The following RARB variants were observed in gnomAD, a reference collection of about 807,000 sequenced individuals.
RARB encodes HBV-activated protein.
Under a neutral mutation model 51.9 loss-of-function variants are expected in RARB, and 17 were observed. That is an observed-to-expected ratio of 0.33 (90% CI 0.22 to 0.49). RARB has a LOEUF of 0.49. Ranked by LOEUF, RARB falls within the 20% of genes least tolerant of loss-of-function variation. RARB has a pLI of 0.99. For synonymous variants in RARB, 215 were observed against 195.4 expected, an observed-to-expected ratio of 1.10 and a Z score of -0.84; for missense variants, 369 against 550.8, an observed-to-expected ratio of 0.67 and a Z score of 3.30.
rs142183773 is a variant in RARB at position 25,507,418 on chromosome 3, G to T, written c.448+6095G>T. Among the ~76,000 whole-genome samples, 1,164 of 152,310 alleles carry T rather than the reference G, an allele frequency of 7.6e-3. 12 individuals carry two copies. The highest frequency in any genetic ancestry group is 0.02 in the Middle Eastern group (6 of 294). On this transcript the variant is annotated intron_variant, in intron 3 of 7. Coordinates refer to ENST00000330688, the MANE Select transcript of RARB (RefSeq NM_000965.5). ...GAACAAGTTACTCAACTTCTTGGAG[G>T]CTGTGTTTTCTACCTGGATGAGAGA...
intron 3 of RARB, among the ~76,000 whole-genome samples, chr3:25,075,128 T>A (rs1698847413): frequency 6.6e-6 from 1 of 152,140 alleles, no homozygotes; most frequent in South Asian, 2.1e-4. Context: ...TGTAACACAG[T>A]CTAAGATGCA....
chr3:25,140,422 TGTG>T (rs972828281), intron 4 of RARB, among the ~76,000 whole-genome samples: 2 of 152,072 alleles, frequency 1.3e-5, no homozygotes, highest in Non-Finnish European at 2.9e-5. Context: ...TAACTGAAGA[TGTG>T]GTGAAAATAG....
chr3:24,849,149 T>G (rs531356302), intron 1 of RARB, among the ~76,000 whole-genome samples: 1 of 152,362 alleles, frequency 6.6e-6, no homozygotes, highest in South Asian at 2.1e-4. Context: ...TTATGACGTT[T>G]AATTTATAAA....
At chr3:25,298,741 A>C (rs1703973968) in intron 5 of RARB, among the ~76,000 whole-genome samples, 1 of 152,182 alleles carries the variant, frequency 6.6e-6, no homozygotes, top group Non-Finnish European at 1.5e-5. Flanking sequence ...GAGGGGGTTG[A>C]GGATGAGAAT....
chr3:25,526,998 G>T (rs574720094), intron 3 of RARB, among the ~76,000 whole-genome samples: 2 of 152,206 alleles, frequency 1.3e-5, no homozygotes, highest in South Asian at 4.1e-4. Context: ...GTATGTTTAT[G>T]TGTTTGTGTG....
chr3:25,304,000 AG>A (rs1704099921), intron 5 of RARB, among the ~76,000 whole-genome samples: 1 of 152,200 alleles, frequency 6.6e-6, no homozygotes, highest in East Asian at 1.9e-4. Context: ...CCAAAGCTCC[AG>A]AAAAAATGGA....
chr3:25,478,539 A>G (rs1696072297), intron 2 of RARB, among the ~76,000 whole-genome samples: 1 of 152,214 alleles, frequency 6.6e-6, no homozygotes, highest in East Asian at 1.9e-4. Context: ...GCCCTACTTC[A>G]GGGGACACAC....
chr3:25,306,333 C>T (rs748533122), intron 5 of RARB, among the ~76,000 whole-genome samples: 9 of 151,950 alleles, frequency 5.9e-5, no homozygotes, highest in South Asian at 4.2e-4. Context: ...TGGTTCAATC[C>T]GATAATGTGA....
intron 3 of RARB, among the ~76,000 whole-genome samples, chr3:25,554,293 A>G (rs540596100): frequency 5.3e-4 from 81 of 151,482 alleles, no homozygotes; most frequent in African/African-American, 1.9e-3. Flanking sequence ...TGTTAAATTT[A>G]TTTTCTTCCC....
At position 25,240,144 on chromosome 3, in the gene RARB, A is replaced by C. The variant is rs1027233231; in HGVS notation, c.178+65569A>C. Among the ~76,000 whole-genome samples, 3 of 151,472 alleles carry C rather than the reference A, an allele frequency of 2.0e-5. 1 individual carries two copies. On this transcript the variant is annotated intron_variant, in intron 5 of 11. Transcript: ENST00000383772. The stretch of plus-strand genomic sequence containing the variant: ...TGATTTCATTCTCGGTTAGTTCATC[A>C]TTGGTGTATAGAAACGCTACTGCTT...
chr3:24,899,586 G>A (rs1703554424), intron 2 of RARB, among the ~76,000 whole-genome samples: 4 of 152,196 alleles, frequency 2.6e-5, no homozygotes, highest in Middle Eastern at 6.8e-3. Context: ...AGTTTCTGTC[G>A]GCCAACAGCT....
intron 5 of RARB, among the ~76,000 whole-genome samples, chr3:25,378,396 C>A (rs1203009498): frequency 1.3e-5 from 2 of 152,102 alleles, no homozygotes; most frequent in Non-Finnish European, 2.9e-5. Flanking sequence ...GTCTAGGAGG[C>A]CCTAAAGGAA....
intron 1 of RARB, among the ~76,000 whole-genome samples, chr3:25,447,030 C>A (rs1227239155): frequency 3.3e-5 from 5 of 149,362 alleles, no homozygotes; most frequent in Non-Finnish European, 7.4e-5. Flanking sequence ...AAAAAAAAAA[C>A]TGATCGTGTT....
chr3:25,467,468 G>C (rs865881182), intron 2 of RARB, among the ~76,000 whole-genome samples: 1 of 144,270 alleles, frequency 6.9e-6, no homozygotes, highest in African/African-American at 2.5e-5. Flanking sequence ...TCACGTGGTG[G>C]ATGGGTTCCC....
At chr3:24,991,318 C>G (rs140053107) in intron 2 of RARB, among the ~76,000 whole-genome samples, 2 of 151,994 alleles carry the variant, frequency 1.3e-5, no homozygotes, top group East Asian at 3.9e-4. Flanking sequence ...TGGTGCATGC[C>G]GGTAGTCCCA....
chr3:25,522,329 C>T (rs1353944993), intron 3 of RARB, among the ~76,000 whole-genome samples: 1 of 152,060 alleles, frequency 6.6e-6, no homozygotes, highest in African/African-American at 2.4e-5. Context: ...AGAGAATGGT[C>T]TAAACAACCT....
At chr3:24,899,153 A>G (rs1703543123) in intron 2 of RARB, among the ~76,000 whole-genome samples, 1 of 152,196 alleles carries the variant, frequency 6.6e-6, no homozygotes, top group African/African-American at 2.4e-5. Context: ...GAAAATGTAT[A>G]GGTCTTTCTT....
chr3:25,411,192 A>G (rs969798961), intron 5 of RARB, among the ~76,000 whole-genome samples: 4 of 152,254 alleles, frequency 2.6e-5, no homozygotes, highest in Non-Finnish European at 2.9e-5. Flanking sequence ...ATGTTTTAAC[A>G]TGTAAATGCT....
At chr3:24,853,385 C>T (rs1020460093) in intron 1 of RARB, among the ~76,000 whole-genome samples, 2 of 152,088 alleles carry the variant, frequency 1.3e-5, no homozygotes, top group African/African-American at 4.8e-5. Context: ...TGTCAATTCT[C>T]ACTGTTGTAA....
Sources: gnomAD v4.1 joint callset for allele counts (sites outside exome capture counted in the v4.1 genomes callset) on GRCh38, gnomAD v4.1.1 for gene constraint, MANE v1.5 for transcripts, NCBI Gene and HGNC (gene_info 2026-07-23, HGNC 2026-07-21) for gene names.